Variants in ZNF544 observed in about 807,000 individuals in gnomAD.
ZNF544 encodes the protein zinc finger protein AF020591.
In ZNF544, 10 loss-of-function variants were observed where a neutral mutation model predicts 13.5. That is an observed-to-expected ratio of 0.74 (90% CI 0.46 to 1.25). The LOEUF is 1.25. ZNF544 is among the 50% of genes most tolerant of loss of function. The probability of loss-of-function intolerance (pLI) is 0.00; values close to 1 mark genes in which losing one functional copy is unlikely to be tolerated. For synonymous variants in ZNF544, 323 were observed against 300.5 expected (o/e 1.07, Z -0.77); for missense variants, 896 against 845.6 (o/e 1.06, Z -0.74).
rs79258645 is a variant in ZNF544 at position 58,262,449 on chromosome 19, C to A, written c.1843C>A (p.Arg615=). 12 of 1,614,010 alleles carry A rather than the reference C, an allele frequency of 7.4e-6. No homozygotes were observed. Among genetic ancestry groups the A allele is most frequent in the African/African-American group, 1.3e-5 (1 of 74,900 alleles). Residue 615 remains arginine (R), a synonymous_variant, in exon 7 of 7, where the codon CGA becomes AGA. Transcript: ENST00000687789. Reference sequence around the variant, plus strand: ...TAACGAGTGTGGAAAAGCCTTCAATCGAAGCACTCAGCTCATCAGGCATCT... The same window carrying A: ...TAACGAGTGTGGAAAAGCCTTCAATAGAAGCACTCAGCTCATCAGGCATCT... ...ECNECGKAFN[R]STQLIRHLQI...
downstream of ZNF544, among the ~76,000 whole-genome samples, chr19:58,265,856 G>C (rs906757701): frequency 1.3e-5 from 2 of 151,918 alleles, no homozygotes; most frequent in Non-Finnish European, 2.9e-5. Flanking sequence ...CAAAGTCCTG[G>C]GATTACAGGC....
chr19:58,239,683 G>T (rs990436098), intron 3 of ZNF544, among the ~76,000 whole-genome samples: 3 of 152,202 alleles, frequency 2.0e-5, no homozygotes, highest in Non-Finnish European at 4.4e-5. Flanking sequence ...CGGATCGCCC[G>T]AGGTCAGGAG....
Position 58,262,036 on chromosome 19 carries a change from A to G in ZNF544, c.1430A>G (p.Tyr477Cys), listed in dbSNP as rs886993231. Residue 477 changes from tyrosine (Y) to cysteine (C), a missense_variant, in exon 7 of 7, where the codon TAT (tyrosine) becomes TGT (cysteine). Coordinates refer to ENST00000687789, the MANE Select transcript of ZNF544 (RefSeq NM_014480.4). ...TGTGGAAAGTCCTTCAGCCAAAGCT[A>G]TGAGTTAGTTACACATAAAAGAACG... is the stretch of plus-strand genomic sequence containing the variant. ...THCGKSFSQS[Y>C]ELVTHKRTHT... The G allele has an allele frequency of 1.4e-5, 23 of 1,612,630 alleles. No individual in the cohort carries two copies. Among genetic ancestry groups the G allele is most frequent in the Non-Finnish European group, 1.8e-5 (21 of 1,179,762 alleles).
At chr19:58,267,938 G>A (rs1403350502), downstream of ZNF544, among the ~76,000 whole-genome samples, 1 of 151,648 alleles carries the variant, frequency 6.6e-6, no homozygotes, top group Non-Finnish European at 1.5e-5. Context: ...CCGAGATCAC[G>A]CCACTGCACT....
rs758120066 is a variant in ZNF544 at position 58,262,165 on chromosome 19, A to G, written c.1559A>G (p.Tyr520Cys). Residue 520 changes from tyrosine to cysteine, a missense_variant, in exon 7 of 7, where the codon TAT becomes TGT. Coordinates refer to ENST00000687789, the MANE Select transcript of ZNF544 (RefSeq NM_014480.4). ...HQRTHTGEKP[Y>C]ECNLCGKSFS... Reference sequence around the variant, plus strand: ...AGGACACACACTGGAGAGAAGCCCTATGAGTGCAACCTGTGTGGGAAATCC... The same window carrying G: ...AGGACACACACTGGAGAGAAGCCCTGTGAGTGCAACCTGTGTGGGAAATCC... The G allele has an allele frequency of 9.3e-6, 15 of 1,613,668 alleles. No individual in the cohort carries two copies. Among genetic ancestry groups the G allele is most frequent in the Middle Eastern group, 1.6e-4 (1 of 6,080 alleles).
At chr19:58,266,136 G>A (rs2049840580), downstream of ZNF544, among the ~76,000 whole-genome samples, 1 of 150,352 alleles carries the variant, frequency 6.7e-6, no homozygotes, top group Non-Finnish European at 1.5e-5. Context: ...AACCCAGAAG[G>A]TGGAGGTTGC....
intron 6 of ZNF544, among the ~76,000 whole-genome samples, chr19:58,254,419 A>C (rs922651835): frequency 2.6e-5 from 4 of 152,246 alleles, no homozygotes; most frequent in Non-Finnish European, 4.4e-5. Flanking sequence ...GCAGGGAGTC[A>C]GATGGAATAG....
intron 6 of ZNF544, among the ~76,000 whole-genome samples, chr19:58,253,269 T>TC (rs2046609732): frequency 6.6e-6 from 1 of 152,256 alleles, no homozygotes; most frequent in Non-Finnish European, 1.5e-5. Context: ...CTAGATTACT[T>TC]CTGAAAACTA....
In ZNF544 at chr19:58,260,967, G is replaced by A; in HGVS notation, c.361G>A (p.Val121Ile). 6.2e-7 allele frequency: 1 copy of A among 1,614,144 alleles called. No homozygotes were observed. The change falls in exon 7 of 7, where the codon GTA (valine) becomes ATA (isoleucine). Residue 121 changes from valine to isoleucine, a missense_variant. Physicochemically the swap from Val to Ile is conservative, Grantham distance 29 (BLOSUM62 3). Transcript: ENST00000687789. ...TGGACCGGAGGAGCCACCCTCTTTG[G>A]TATTAGGAAAAGTGCAAGATCAGAG... is the stretch of plus-strand genomic sequence containing the variant. ...RSGPEEPPSLVLGKVQDQSNQ... is the reference protein window; with the variant it reads ...RSGPEEPPSLILGKVQDQSNQ...
downstream of ZNF544, among the ~76,000 whole-genome samples, chr19:58,266,212 CAAA>C (rs760851818): frequency 1.3e-4 from 6 of 46,210 alleles, no homozygotes; most frequent in South Asian, 1.2e-3. Flanking sequence ...GACTCTGTCT[CAAA>C]AAAAAAAAAA....
At chr19:58,229,942 T>C (rs1400029867) in intron 2 of ZNF544, 1 of 152,646 alleles carries the variant, frequency 6.6e-6, no homozygotes, top group Admixed American at 6.6e-5. Flanking sequence ...AGACTGTGTT[T>C]CTGTTTCCAG....
In ZNF544 at chr19:58,262,732, C is replaced by G; in HGVS notation, c.2126C>G (p.Thr709Arg). 1 of 1,604,098 alleles carries G rather than the reference C, an allele frequency of 6.2e-7. No individual in the cohort carries two copies. Among genetic ancestry groups the G allele is most frequent in the Non-Finnish European group, 8.5e-7 (1 of 1,173,724 alleles). ...QQSQLVVHRR[T>R]HTGEKP Reference sequence around the variant, plus strand: ...TCTCAACTTGTAGTGCATCGGCGGACACATACTGGAGAGAAACCTTAGGAG... The same window carrying G: ...TCTCAACTTGTAGTGCATCGGCGGAGACATACTGGAGAGAAACCTTAGGAG... Residue 709 changes from threonine (T) to arginine (R), a missense_variant, in exon 7 of 7, where the codon ACA (threonine) becomes AGA (arginine). Physicochemically the swap from Thr to Arg is moderately conservative, Grantham distance 71. Transcript: ENST00000687789.
At chr19:58,244,182 T>G in intron 4 of ZNF544, 126 bp downstream of exon 4, 1 of 737,568 alleles carries the variant, frequency 1.4e-6, no homozygotes, top group Non-Finnish European at 2.1e-6. Context: ...TGCTTCCCAG[T>G]GAAATGCTCC....
At chr19:58,252,990 T>G (rs1260572293) in intron 6 of ZNF544, among the ~76,000 whole-genome samples, 1 of 152,166 alleles carries the variant, frequency 6.6e-6, no homozygotes, top group Non-Finnish European at 1.5e-5. Flanking sequence ...CAGCTCACTT[T>G]TATATTTTTA....
At chr19:58,250,821 T>C (rs763813404) in intron 6 of ZNF544, among the ~76,000 whole-genome samples, 1 of 152,144 alleles carries the variant, frequency 6.6e-6, no homozygotes, top group Non-Finnish European at 1.5e-5. Flanking sequence ...ATTGGGGTGG[T>C]AGTGTATTTG....
intron 6 of ZNF544, among the ~76,000 whole-genome samples, chr19:58,252,280 C>T (rs540604288): frequency 9.2e-5 from 14 of 152,310 alleles, no homozygotes; most frequent in Admixed American, 8.5e-4. Context: ...AAAGTACATT[C>T]TACTTTTTTT....
intron 4 of ZNF544, among the ~76,000 whole-genome samples, chr19:58,245,194 C>T (rs1014653963): frequency 2.0e-5 from 3 of 151,896 alleles, no homozygotes; most frequent in Non-Finnish European, 4.4e-5. Flanking sequence ...CCCATCTCGG[C>T]CTCCCAAAGT....
At chr19:58,244,115 G>A in intron 4 of ZNF544, 59 bp downstream of exon 4, 1 of 1,467,462 alleles carries the variant, frequency 6.8e-7, no homozygotes, top group African/African-American at 1.4e-5. Flanking sequence ...AATGGGTCCA[G>A]GAATAGCACC....
Position 58,261,332 on chromosome 19 carries a change from T to C in ZNF544, c.726T>C (p.Tyr242=), listed in dbSNP as rs369057907. ...GNVETGKKNP[Y]EYIVSGDSLN... is the part of the protein sequence containing the mutation. ...TTGAAACAGGAAAGAAAAACCCTTA[T>C]GAATATATTGTCAGTGGTGACTCTC... The change falls in exon 7 of 7, where the codon TAT becomes TAC. Residue 242 remains tyrosine (Y), a synonymous_variant. Coordinates refer to ENST00000687789, the MANE Select transcript of ZNF544 (RefSeq NM_014480.4). 9 of 1,614,030 alleles carry C rather than the reference T, an allele frequency of 5.6e-6. No homozygotes were observed. Among genetic ancestry groups the C allele is most frequent in the Admixed American group, 1.7e-5 (1 of 60,000 alleles).
Sources: allele counts gnomAD v4.1 joint callset (sites outside exome capture counted in the v4.1 genomes callset), GRCh38; gene constraint gnomAD v4.1.1; transcripts MANE v1.5; gene names NCBI Gene and HGNC (gene_info 2026-07-23, HGNC 2026-07-21).